Variants in SPAG16 observed in about 807,000 individuals in gnomAD.
SPAG16 encodes sperm-associated antigen 16 protein.
A neutral mutation model predicts 80.4 loss-of-function variants in SPAG16; 86 were observed. The observed-to-expected ratio is 1.07, with a 90% confidence interval of 0.90 to 1.28. SPAG16 has a LOEUF of 1.28. SPAG16 is among the 50% of genes most tolerant of loss of function. The pLI is 0.00. For synonymous variants in SPAG16, 294 were observed against 265.9 expected, an observed-to-expected ratio of 1.11 and a Z score of -1.03; for missense variants, 870 against 765.3, an observed-to-expected ratio of 1.14 and a Z score of -1.61.
At chr2:214,305,428 T>C (rs1162258522) in intron 15 of SPAG16, among the ~76,000 whole-genome samples, 2 of 152,248 alleles carry the variant, frequency 1.3e-5, no homozygotes, top group African/African-American at 4.8e-5. Flanking sequence ...TTTGGTGTCT[T>C]CATCATGAAA....
intron 14 of SPAG16, among the ~76,000 whole-genome samples, chr2:214,140,417 G>C (rs934427071): frequency 2.6e-4 from 40 of 151,682 alleles, no homozygotes; most frequent in African/African-American, 9.0e-4. Flanking sequence ...ACATATATTT[G>C]ATGATACTAT....
intron 11 of SPAG16, among the ~76,000 whole-genome samples, chr2:213,871,233 C>T (rs1372659885): frequency 6.6e-6 from 1 of 151,912 alleles, no homozygotes; most frequent in Non-Finnish European, 1.5e-5. Context: ...GAAGCACTTC[C>T]AGAATGGCAG....
At chr2:213,988,556 C>T (rs2046128949) in intron 12 of SPAG16, among the ~76,000 whole-genome samples, 2 of 151,886 alleles carry the variant, frequency 1.3e-5, no homozygotes, top group South Asian at 4.1e-4. Flanking sequence ...GAAAGCATAA[C>T]ATATCAAAAT....
chr2:213,284,633 G>C lies in SPAG16; in HGVS notation c.136+14G>C. The stretch of plus-strand genomic sequence containing the variant: ...ACTACCTGGAACGTATCCTTCCCGT[G>C]GAGGCGCGGCCCGCTGCGCTGGCGG... On this transcript the variant is annotated intron_variant, in intron 1 of 15. Transcript: ENST00000331683. 1 of 1,602,836 alleles carries C rather than the reference G, an allele frequency of 6.2e-7. No individual in the cohort carries two copies. The highest frequency in any genetic ancestry group is 1.1e-5 in the South Asian group (1 of 90,318).
chr2:213,762,539 G>T (rs943181614), intron 10 of SPAG16, among the ~76,000 whole-genome samples: 1 of 152,056 alleles, frequency 6.6e-6, no homozygotes, highest in African/African-American at 2.4e-5. Flanking sequence ...ACACAATGGA[G>T]AAATAATAGT....
chr2:213,324,703 C>T (rs1000564929), intron 5 of SPAG16, among the ~76,000 whole-genome samples: 30 of 152,086 alleles, frequency 2.0e-4, no homozygotes, highest in African/African-American at 7.2e-4. Context: ...CTGCTGTGAA[C>T]ATTGAGGTAC....
At chr2:214,225,615 C>T (rs563961201) in intron 15 of SPAG16, among the ~76,000 whole-genome samples, 2 of 152,210 alleles carry the variant, frequency 1.3e-5, no homozygotes, top group Non-Finnish European at 2.9e-5. Flanking sequence ...TTCTTCAACT[C>T]TAAAACAGTT....
At chr2:214,394,224 C>G (rs1701237891) in intron 15 of SPAG16, among the ~76,000 whole-genome samples, 2 of 151,912 alleles carry the variant, frequency 1.3e-5, no homozygotes, top group African/African-American at 2.4e-5. Context: ...CTCTCTCTTT[C>G]TAAGTCAAGT....
intron 10 of SPAG16, among the ~76,000 whole-genome samples, chr2:213,495,809 A>G (rs1056457865): frequency 3.9e-5 from 6 of 152,158 alleles, no homozygotes; most frequent in African/African-American, 1.4e-4. Context: ...GTCAGAGAGA[A>G]CAGCAAATGC....
At chr2:214,209,926 A>G (rs145014052) in intron 15 of SPAG16, among the ~76,000 whole-genome samples, 30 of 152,292 alleles carry the variant, frequency 2.0e-4, no homozygotes, top group African/African-American at 7.0e-4. Context: ...TGTTTGTCAT[A>G]TGACCTTTTA....
At chr2:213,851,488 A>G (rs1416286200) in intron 10 of SPAG16, among the ~76,000 whole-genome samples, 1 of 152,226 alleles carries the variant, frequency 6.6e-6, no homozygotes, top group Non-Finnish European at 1.5e-5. Flanking sequence ...AGCCTGGGTG[A>G]CAGAGCGAGA....
intron 6 of SPAG16, among the ~76,000 whole-genome samples, chr2:213,348,686 C>A (rs1005670131): frequency 2.0e-5 from 3 of 152,084 alleles, no homozygotes; most frequent in African/African-American, 7.2e-5. Flanking sequence ...TCTTTTCTTT[C>A]AGAATGTTGA....
Position 213,310,213 on chromosome 2 carries a change from T to C in SPAG16, c.398+36T>C, listed in dbSNP as rs1416793874. 3 of 1,405,630 alleles carry C rather than the reference T, an allele frequency of 2.1e-6. No homozygotes were observed. In the African/African-American group the frequency reaches 4.3e-5, roughly 20 times the overall value. The allele number at this position is 1,405,630 out of a possible 1,614,324, so 87.1% of individuals were successfully genotyped here. A position where few individuals can be genotyped will look rare whatever the true frequency, so the allele number is the denominator to read the frequency against. On this transcript the variant is annotated intron_variant, in intron 4 of 15. Transcript: ENST00000331683. The stretch of plus-strand genomic sequence containing the variant: ...ATGTAGATAAATAGTTCTCTTAAAA[T>C]TCTAACATTTAACATATACACTTTT...
intron 10 of SPAG16, among the ~76,000 whole-genome samples, chr2:213,712,044 G>C (rs995231036): frequency 6.6e-6 from 1 of 152,036 alleles, no homozygotes; most frequent in Non-Finnish European, 1.5e-5. Context: ...ATTCTCAGGA[G>C]GGCACATTTA....
At chr2:214,131,072 G>A (rs563278739) in intron 14 of SPAG16, among the ~76,000 whole-genome samples, 181 of 152,212 alleles carry the variant, frequency 1.2e-3, no homozygotes, top group African/African-American at 4.3e-3. Context: ...TGCAAAATAA[G>A]CATTATGCTA....
In SPAG16 at chr2:213,337,479, A is replaced by G. The variant is rs146123561; in HGVS notation, c.537-2684A>G. 6.5e-3 allele frequency among the ~76,000 whole-genome samples: 990 copies of G among 152,300 alleles called. 16 individuals are homozygous for G. Among genetic ancestry groups the G allele is most frequent in the African/African-American group, 0.023 (940 of 41,562 alleles). ...GCAAAGAAGCTAAGAACCATGATAA[A>G]ACATTACAGGAGCTGTTTACCAACA... On this transcript the variant is annotated intron_variant, in intron 5 of 15. Coordinates refer to ENST00000331683, the MANE Select transcript of SPAG16 (RefSeq NM_024532.5).
At chr2:213,377,770 A>G (rs181711828) in intron 9 of SPAG16, among the ~76,000 whole-genome samples, 70 of 152,242 alleles carry the variant, frequency 4.6e-4, no homozygotes, top group African/African-American at 1.7e-3. Context: ...TGGACTTGAG[A>G]TACCTTATGA....
intron 10 of SPAG16, among the ~76,000 whole-genome samples, chr2:213,651,277 G>C (rs1488082029): frequency 6.6e-6 from 1 of 152,072 alleles, no homozygotes. Context: ...AGACTCTAGG[G>C]CAGGATCAGT....
chr2:213,427,678 A>C (rs774104548), intron 9 of SPAG16, among the ~76,000 whole-genome samples: 8 of 152,202 alleles, frequency 5.3e-5, no homozygotes, highest in Non-Finnish European at 8.8e-5. Context: ...CTTTATCTAC[A>C]TATTCTCATC....
Sources: allele counts gnomAD v4.1 joint callset (sites outside exome capture counted in the v4.1 genomes callset), GRCh38; gene constraint gnomAD v4.1.1; transcripts MANE v1.5; gene names NCBI Gene and HGNC (gene_info 2026-07-23, HGNC 2026-07-21).